Variants in CYBA observed in about 807,000 individuals in gnomAD.
CYBA encodes cytochrome b-245 light chain.
CYBA carries 21 observed loss-of-function variants against 20.8 expected under a neutral mutation model. That is an observed-to-expected ratio of 1.01 (90% CI 0.72 to 1.46). The LOEUF (loss-of-function observed/expected upper bound fraction) is 1.46. Among genes scored for constraint, CYBA ranks in the 40% most tolerant of loss-of-function variants. The pLI is 0.00. For synonymous variants in CYBA, 164 were observed against 127.5 expected, an observed-to-expected ratio of 1.29 and a Z score of -1.93; for missense variants, 344 against 287.0, an observed-to-expected ratio of 1.20 and a Z score of -1.43.
At chr16:88,650,841 G>C in intron 1 of CYBA, 115 bp downstream of exon 1, 1 of 1,175,526 alleles carries the variant, frequency 8.5e-7, no homozygotes, top group East Asian at 2.6e-5. Context: ...ACCCCGGCCC[G>C]GCCTGGCCCG....
In CYBA at chr16:88,648,525, TA is replaced by T. The variant is rs1907375002; in HGVS notation, c.59-412del. Among the ~76,000 whole-genome samples the T allele has an allele frequency of 2.0e-5, 3 of 152,314 alleles. No individual in the cohort carries two copies. In the South Asian group the frequency reaches 6.2e-4, roughly 32 times the overall value. Reference sequence around the variant, plus strand: ...TTTCCCCCCGATACGGAGTTCCTCTTAACCCGTCAGCGGTTTTGCCTTAATT... The same window carrying T: ...TTTCCCCCCGATACGGAGTTCCTCTTACCCGTCAGCGGTTTTGCCTTAATT... On this transcript the variant is annotated intron_variant, in intron 1 of 5. Transcript: ENST00000261623.
chr16:88,643,526 G>A lies in CYBA; in HGVS notation c.415C>T (p.Arg139Trp), dbSNP rs972548169. The change falls in exon 6 of 6, where the codon CGG becomes TGG. Residue 139 changes from arginine to tryptophan, a missense_variant. Arg to Trp is a moderately radical substitution (Grantham distance 101). Transcript: ENST00000261623. The surrounding 1 kb of genome is among the most constrained non-coding windows in gnomAD (Gnocchi z 4.3). ...GTGCCTCCGATCTGCGGCCGCTCCC[G>A]GGGCTTGGGCTCGATGGGCGTCCAC... ...EQWTPIEPKP[R>W]ERPQIGGTIK... 35 of 1,535,024 alleles carry A rather than the reference G, an allele frequency of 2.3e-5. No homozygotes were observed. Among genetic ancestry groups the A allele is most frequent in the Admixed American group, 3.9e-5 (2 of 51,002 alleles).
chr16:88,651,003 A>G lies in CYBA; in HGVS notation c.11T>C (p.Ile4Thr). Reference protein sequence around the residue: MGQIEWAMWANEQA... With the variant: MGQTEWAMWANEQA... ...TTCGTTGGCCCACATGGCCCACTCG[A>G]TCTGCCCCATGGCGACACGAACCCG... The change falls in exon 1 of 6, where the codon ATC becomes ACC. Residue 4 changes from isoleucine (I) to threonine (T), a missense_variant. Transcript: ENST00000261623. The G allele has an allele frequency of 3.1e-6, 5 of 1,596,976 alleles. No homozygotes were observed. The highest frequency in any genetic ancestry group is 4.3e-6 in the Non-Finnish European group (5 of 1,173,644).
intron 5 of CYBA, chr16:88,645,075 G>A: frequency 1.5e-6 from 1 of 663,782 alleles, no homozygotes; most frequent in South Asian, 1.6e-5. Context: ...GCTGAGCCCG[G>A]CAGGGTGAAC....
intron 1 of CYBA, among the ~76,000 whole-genome samples, chr16:88,650,074 C>T (rs760855472): frequency 2.0e-5 from 3 of 152,186 alleles, no homozygotes; most frequent in Non-Finnish European, 2.9e-5. Context: ...CCAGCTGCCA[C>T]GCACCCTCCA....
chr16:88,645,306 C>T (rs1907238813), intron 5 of CYBA: 1 of 702,340 alleles, frequency 1.4e-6, no homozygotes, highest in Non-Finnish European at 2.6e-6. Flanking sequence ...AGGCTTGAAA[C>T]AGAACTCCAC....
chr16:88,650,840 CGGCCT>C (rs1457566672), intron 1 of CYBA, 111 bp downstream of exon 1: 15 of 1,184,228 alleles, frequency 1.3e-5, no homozygotes, highest in Non-Finnish European at 1.8e-5. Flanking sequence ...GACCCCGGCC[CGGCCT>C]GGCCCGCCTG....
intron 1 of CYBA, chr16:88,650,107 G>A (rs1907451102): frequency 3.1e-6 from 1 of 325,162 alleles, no homozygotes; most frequent in Non-Finnish European, 6.2e-6. Flanking sequence ...GGCGCTCAGA[G>A]CCCCAGGGGA....
At position 88,643,932 on chromosome 16, in the gene CYBA, G is replaced by A. The variant is rs1907184039; in HGVS notation, c.370-361C>T. 6.6e-6 allele frequency among the ~76,000 whole-genome samples: 1 copy of A among 152,206 alleles called. No individual in the cohort carries two copies. The highest frequency in any genetic ancestry group is 1.5e-5 in the Non-Finnish European group (1 of 68,032). ...GGCAGGCCCGAGGTCCAGCAGGAGG[G>A]GTGGCCCAGGAGAGTAGCAGGCCCT... On this transcript the variant is annotated intron_variant, in intron 5 of 5. Coordinates refer to ENST00000261623, the MANE Select transcript of CYBA (RefSeq NM_000101.4). The surrounding 1 kb of genome is among the most constrained non-coding windows in gnomAD (Gnocchi z 4.3).
At chr16:88,650,489 C>T (rs1567610686) in intron 1 of CYBA, 2 of 465,992 alleles carry the variant, frequency 4.3e-6, no homozygotes, top group East Asian at 6.7e-5. Context: ...ATGAGAAGGG[C>T]TGAGCCCCAG....
At position 88,649,152 on chromosome 16, in the gene CYBA, T is replaced by C. The variant is rs7205773; in HGVS notation, c.59-1038A>G. On this transcript the variant is annotated intron_variant, in intron 1 of 5. Coordinates refer to ENST00000261623, the MANE Select transcript of CYBA (RefSeq NM_000101.4). ...CGGGGTTTCACTGTGTTAGCCAGGA[T>C]GGTCTCGATCTCCTGACCTCGTGAT... Among the ~76,000 whole-genome samples, 685 of 151,708 alleles carry C rather than the reference T, an allele frequency of 4.5e-3. 4 individuals are homozygous for C. The highest frequency in any genetic ancestry group is 0.016 in the African/African-American group (651 of 41,312).
At chr16:88,644,824 CAA>C (rs369980560) in intron 5 of CYBA, 9 of 274,590 alleles carry the variant, frequency 3.3e-5, no homozygotes, top group Admixed American at 5.3e-5. Flanking sequence ...GACTCCATCT[CAA>C]AAAAAAAAGA....
intron 5 of CYBA, chr16:88,644,852 C>G: frequency 2.6e-6 from 1 of 390,556 alleles, no homozygotes. Flanking sequence ...AAGAAAAATA[C>G]AAAAACCACA....
At position 88,647,127 on chromosome 16, in the gene CYBA, C is replaced by A; in HGVS notation, c.177G>T (p.Arg59Ser). The A allele has an allele frequency of 6.2e-7, 1 of 1,611,504 alleles. No homozygotes were observed. Among genetic ancestry groups the A allele is most frequent in the Non-Finnish European group, 8.5e-7 (1 of 1,179,792 alleles). ...VCLLEYPRGK[R>S]KKGSTMERWG... ...AGCGCTCCATGGTGGAGCCCTTCTT[C>A]CTCTTCCCCCGGGGGTACTCCAGCA... Residue 59 changes from arginine (R) to serine (S), a missense_variant, in exon 3 of 6, where the codon AGG becomes AGT. By Grantham distance (110) the Arg-to-Ser change is moderately radical. Transcript: ENST00000261623.
At chr16:88,646,225 A>T in intron 4 of CYBA, 28 bp from the exon 5 acceptor site, 1 of 1,534,908 alleles carries the variant, frequency 6.5e-7, no homozygotes, top group Non-Finnish European at 8.8e-7. Flanking sequence ...AGAGGCAGGG[A>T]CACAGAAGGG....
rs931888997 is a variant in CYBA at position 88,647,927 on chromosome 16, C to T, written c.128+118G>A. 7 of 1,027,390 alleles carry T rather than the reference C, an allele frequency of 6.8e-6. No individual in the cohort carries two copies. The African/African-American group carries it at 9.5e-5, about 14-fold the overall frequency. 63.6% of individuals were successfully genotyped at this position (1,027,390 alleles called of 1,614,324 possible). Reference sequence around the variant, plus strand: ...GCTGCCCAACCCGTGCACAGCCCACCCTGTGTCCCAGCCTGGCTGCGGTGG... The same window carrying T: ...GCTGCCCAACCCGTGCACAGCCCACTCTGTGTCCCAGCCTGGCTGCGGTGG... On this transcript the variant is annotated intron_variant, in intron 2 of 5. Transcript: ENST00000261623.
intron 4 of CYBA, 64 bp downstream of exon 4, chr16:88,646,691 A>G: frequency 1.4e-6 from 2 of 1,435,970 alleles, no homozygotes; most frequent in Non-Finnish European, 9.8e-7. Context: ...GGCCGGTGGG[A>G]CAGTGGGGAG....
At chr16:88,650,564 G>A (rs571342299) in intron 1 of CYBA, 181 of 496,176 alleles carry the variant, frequency 3.6e-4, no homozygotes, top group Non-Finnish European at 6.0e-4. Context: ...GGCTACCGAG[G>A]GGCAGGGGAG....
chr16:88,650,643 GGC>G, intron 1 of CYBA: 1 of 565,544 alleles, frequency 1.8e-6, no homozygotes, highest in Non-Finnish European at 3.3e-6. Flanking sequence ...AAACCACCGG[GGC>G]TGAACCGCCT....
Sources: allele counts gnomAD v4.1 joint callset (sites outside exome capture counted in the v4.1 genomes callset), GRCh38; gene constraint gnomAD v4.1.1; non-coding constraint Gnocchi (gnomAD v3.1); transcripts MANE v1.5; gene names NCBI Gene and HGNC (gene_info 2026-07-23, HGNC 2026-07-21).